The following SAMD12 variants were observed in gnomAD, a reference collection of about 807,000 sequenced individuals.
The protein encoded by SAMD12 is sterile alpha motif domain containing 12, also known as sterile alpha motif domain-containing protein 12.
Under a neutral mutation model 15.0 loss-of-function variants are expected in SAMD12, and 9 were observed. The ratio of observed to expected loss-of-function variants is 0.60; its 90% CI spans 0.36 to 1.05. The LOEUF is 1.05. Among genes scored for constraint, SAMD12 ranks in the 50% least tolerant of loss-of-function variants. The pLI is 0.01. For synonymous variants in SAMD12, 86 were observed against 90.1 expected, an observed-to-expected ratio of 0.96 and a Z score of 0.25; for missense variants, 230 against 234.2, an observed-to-expected ratio of 0.98 and a Z score of 0.12.
At chr8:118,305,415 C>G (rs976292409) in intron 4 of SAMD12, among the ~76,000 whole-genome samples, 1 of 152,152 alleles carries the variant, frequency 6.6e-6, no homozygotes, top group Non-Finnish European at 1.5e-5. Flanking sequence ...GTTTATTTCA[C>G]ATAGCATGTT....
At chr8:118,202,326 C>G (rs181435784) in intron 4 of SAMD12, among the ~76,000 whole-genome samples, 205 of 152,226 alleles carry the variant, frequency 1.3e-3, no homozygotes, top group Non-Finnish European at 2.3e-3. Context: ...GGAAAAGAAA[C>G]AAAATACCCA....
chr8:118,277,360 A>T (rs1259809198), intron 4 of SAMD12, among the ~76,000 whole-genome samples: 1 of 152,080 alleles, frequency 6.6e-6, no homozygotes, highest in East Asian at 1.9e-4. Context: ...CTATCTATCT[A>T]TCATCTATCT....
At chr8:118,296,990 G>A (rs1441821089) in intron 4 of SAMD12, among the ~76,000 whole-genome samples, 2 of 152,162 alleles carry the variant, frequency 1.3e-5, no homozygotes, top group Non-Finnish European at 2.9e-5. Flanking sequence ...ATCTTGATCC[G>A]ATTTCTAAGT....
chr8:118,359,093 GC>G (rs572103535), intron 4 of SAMD12, among the ~76,000 whole-genome samples: 163 of 151,714 alleles, frequency 1.1e-3, no homozygotes, highest in Middle Eastern at 3.4e-3. Context: ...ATTATTCCCT[GC>G]CCCCCCAATT....
chr8:118,326,496 C>T (rs181191070), intron 4 of SAMD12, among the ~76,000 whole-genome samples: 37 of 152,192 alleles, frequency 2.4e-4, no homozygotes, highest in African/African-American at 5.5e-4. Context: ...GACAAGTACC[C>T]AAGAACAGGG....
chr8:118,359,500 C>G (rs1818388298), intron 4 of SAMD12, among the ~76,000 whole-genome samples: 14 of 152,198 alleles, frequency 9.2e-5, no homozygotes, highest in Admixed American at 8.5e-4. Flanking sequence ...AGTTGTAACT[C>G]TAGCACCTGG....
intron 1 of SAMD12, among the ~76,000 whole-genome samples, chr8:118,590,005 A>G (rs896381144): frequency 6.6e-6 from 1 of 152,210 alleles, no homozygotes; most frequent in African/African-American, 2.4e-5. Context: ...GACAATCTAA[A>G]GACCTTGAAG....
the SAMD12 span, among the ~76,000 whole-genome samples, chr8:118,141,896 C>T: frequency 6.6e-6 from 1 of 152,160 alleles, no homozygotes; most frequent in Non-Finnish European, 1.5e-5. Flanking sequence ...TAGTCCTGGC[C>T]ATCCCCTGTG....
intron 4 of SAMD12, among the ~76,000 whole-genome samples, chr8:118,311,177 G>T (rs1040856091): frequency 1.3e-5 from 2 of 152,182 alleles, no homozygotes; most frequent in African/African-American, 4.8e-5. Context: ...GGGAAAATCT[G>T]CAGCCTTCGA....
intron 2 of SAMD12, among the ~76,000 whole-genome samples, chr8:118,542,138 G>A (rs1826004455): frequency 6.6e-6 from 1 of 152,162 alleles, no homozygotes; most frequent in Non-Finnish European, 1.5e-5. Flanking sequence ...AAACTATTAA[G>A]CCAGTGAGAA....
intron 2 of SAMD12, among the ~76,000 whole-genome samples, chr8:118,549,846 G>A (rs1826265926): frequency 6.6e-6 from 1 of 152,210 alleles, no homozygotes; most frequent in Non-Finnish European, 1.5e-5. Flanking sequence ...AACTGATGGA[G>A]CTGAAAGCCA....
intron 2 of SAMD12, among the ~76,000 whole-genome samples, chr8:118,464,500 C>T (rs1823527231): frequency 2.0e-5 from 3 of 152,192 alleles, no homozygotes; most frequent in Admixed American, 1.3e-4. Context: ...GCTATTTATA[C>T]TTGGGAAAAT....
chr8:118,243,414 G>A (rs566612602), intron 4 of SAMD12, among the ~76,000 whole-genome samples: 8 of 152,026 alleles, frequency 5.3e-5, no homozygotes, highest in Admixed American at 2.6e-4. Flanking sequence ...ACTCAACTCT[G>A]TGCACCTGAG....
At position 118,203,405 on chromosome 8, in the gene SAMD12, T is replaced by C. The variant is rs547000906; in HGVS notation, c.434-5673A>G. On this transcript the variant is annotated intron_variant, in intron 4 of 4. Transcript: ENST00000409003. ...CAACTTGTGTGTGTGTGTGTGTGTG[T>C]GTCGAGGGAGAGGCAGGTACTACTG... Among the ~76,000 whole-genome samples, 4 of 151,956 alleles carry C rather than the reference T, an allele frequency of 2.6e-5. No homozygotes were observed. In the South Asian group the frequency reaches 8.3e-4, roughly 32 times the overall value.
chr8:118,331,175 G>A (rs1438909074), intron 4 of SAMD12, among the ~76,000 whole-genome samples: 1 of 152,048 alleles, frequency 6.6e-6, no homozygotes, highest in East Asian at 1.9e-4. Flanking sequence ...AGAGTTCAGA[G>A]GGAGGAAAAA....
At chr8:118,361,321 TA>T (rs965942030) in intron 4 of SAMD12, among the ~76,000 whole-genome samples, 1 of 152,208 alleles carries the variant, frequency 6.6e-6, no homozygotes, top group Non-Finnish European at 1.5e-5. Flanking sequence ...GTAAGCTCCA[TA>T]AAAGCATGGA....
At chr8:118,533,567 G>A (rs1200861083) in intron 2 of SAMD12, among the ~76,000 whole-genome samples, 1 of 152,098 alleles carries the variant, frequency 6.6e-6, no homozygotes, top group East Asian at 1.9e-4. Flanking sequence ...ATTATTGTGT[G>A]GGAGTCTAAG....
chr8:118,316,458 TC>T (rs1282635838), intron 4 of SAMD12, among the ~76,000 whole-genome samples: 4 of 151,282 alleles, frequency 2.6e-5, no homozygotes, highest in Non-Finnish European at 5.9e-5. Context: ...ATTGCTTGAG[TC>T]CAGGAGTCGG....
At chr8:118,337,645 G>A (rs1817150007) in intron 4 of SAMD12, among the ~76,000 whole-genome samples, 1 of 152,162 alleles carries the variant, frequency 6.6e-6, no homozygotes, top group Admixed American at 6.5e-5. Flanking sequence ...CATAAACTCA[G>A]CGTGTATCCA....
Sources: gnomAD v4.1 joint callset for allele counts (sites outside exome capture counted in the v4.1 genomes callset) on GRCh38, gnomAD v4.1.1 for gene constraint, MANE v1.5 for transcripts, NCBI Gene and HGNC (gene_info 2026-07-23, HGNC 2026-07-21) for gene names.